The following ACTL8 variants were observed in gnomAD, a reference collection of about 807,000 sequenced individuals.
ACTL8 encodes actin-like protein 8.
Under a neutral mutation model 9.3 loss-of-function variants are expected in ACTL8, and 3 were observed. The observed-to-expected ratio is 0.32, with a 90% CI of 0.15 to 0.83. The LOEUF is 0.83. ACTL8 is among the 40% of genes least tolerant of loss of function. The pLI is 0.57. For missense variants in ACTL8, 381 were observed against 492.2 expected, an observed-to-expected ratio of 0.77 and a Z score of 2.14; for synonymous variants, 224 against 205.9, an observed-to-expected ratio of 1.09 and a Z score of -0.75.
intron 1 of ACTL8, among the ~76,000 whole-genome samples, chr1:17,772,942 A>C (rs900511234): frequency 6.6e-6 from 1 of 152,040 alleles, no homozygotes. Context: ...GGAATTTATT[A>C]GTCTAATTAC....
chr1:17,793,892 C>T (rs2066259123), intron 1 of ACTL8, among the ~76,000 whole-genome samples: 2 of 152,148 alleles, frequency 1.3e-5, no homozygotes, highest in South Asian at 2.1e-4. Flanking sequence ...TGTTGGCTTG[C>T]GGTCAGTGCT....
chr1:17,804,976 G>A (rs780569964), intron 1 of ACTL8, among the ~76,000 whole-genome samples: 10 of 151,980 alleles, frequency 6.6e-5, no homozygotes, highest in Non-Finnish European at 1.2e-4. Flanking sequence ...TGGGACAGAC[G>A]GGACCCACCT....
chr1:17,826,629 G>C lies in ACTL8; in HGVS notation c.*110G>C. ...GAATGAGGTGGGGTGGGGTGAGCTG[G>C]CTTTGGAATTCTAGGGGCATGAGGG... is the stretch of plus-strand genomic sequence containing the variant. On this transcript the variant is annotated 3_prime_UTR_variant, in exon 3 of 3. Coordinates refer to ENST00000375406, the MANE Select transcript of ACTL8 (RefSeq NM_030812.3). The surrounding 1 kb of genome is among the most constrained non-coding windows in gnomAD (Gnocchi z 4.5). 2 of 1,185,244 alleles carry C rather than the reference G, an allele frequency of 1.7e-6. No homozygotes were observed. Among genetic ancestry groups the C allele is most frequent in the Non-Finnish European group, 2.3e-6 (2 of 879,570 alleles). The allele number at this position is 1,185,244 out of a possible 1,614,324, so 73.4% of individuals were successfully genotyped here.
intron 1 of ACTL8, among the ~76,000 whole-genome samples, chr1:17,799,561 G>C (rs1226233676): frequency 2.0e-5 from 3 of 151,562 alleles, no homozygotes; most frequent in African/African-American, 7.3e-5. Flanking sequence ...AGGTGTCTGT[G>C]TTTTCACTGA....
intron 1 of ACTL8, among the ~76,000 whole-genome samples, chr1:17,796,227 AGAG>A (rs1330318413): frequency 6.6e-6 from 1 of 151,992 alleles, no homozygotes; most frequent in Non-Finnish European, 1.5e-5. Flanking sequence ...AGAAGGAAGA[AGAG>A]GAGGAAGAGG....
chr1:17,772,180 G>A (rs543180540), intron 1 of ACTL8, among the ~76,000 whole-genome samples: 1 of 152,352 alleles, frequency 6.6e-6, no homozygotes, highest in African/African-American at 2.4e-5. Context: ...CACATGAGAA[G>A]TTTGCATAAT....
chr1:17,825,911 C>T lies in ACTL8; in HGVS notation c.493C>T (p.Pro165Ser), dbSNP rs377195377. Residue 165 changes from proline (P) to serine (S), a missense_variant, in exon 3 of 3, where the codon CCC becomes TCC. Physicochemically the swap from Pro to Ser is moderately conservative, Grantham distance 74. Transcript: ENST00000375406. ...CGTGCAGCCTTTCCACCAGGGCCGC[C>T]CCTTGCCCGCCAGCGGCAAGACGCT... The part of the protein sequence containing the change: ...TRVQPFHQGR[P>S]LPASGKTLEF... 5.1e-5 allele frequency: 82 copies of T among 1,612,926 alleles called. No individual in the cohort carries two copies. The highest frequency in any genetic ancestry group is 6.0e-5 in the Non-Finnish European group (71 of 1,180,034).
chr1:17,826,645 G>C lies in ACTL8; in HGVS notation c.*126G>C. On this transcript the variant is annotated 3_prime_UTR_variant, in exon 3 of 3. Transcript: ENST00000375406. This position sits in a 1 kb window ranked among gnomAD's most constrained non-coding sequence, Gnocchi z 4.5. Reference sequence around the variant, plus strand: ...GGTGAGCTGGCTTTGGAATTCTAGGGGCATGAGGGTATTTTTTAGGTTCTA... The same window carrying C: ...GGTGAGCTGGCTTTGGAATTCTAGGCGCATGAGGGTATTTTTTAGGTTCTA... 6.2e-6 allele frequency: 6 copies of C among 972,584 alleles called. No individual in the cohort carries two copies. Among genetic ancestry groups the C allele is most frequent in the Non-Finnish European group, 8.7e-6 (6 of 691,178 alleles). 60.2% of individuals were successfully genotyped at this position (972,584 alleles called of 1,614,324 possible). A position where few individuals can be genotyped will look rare whatever the true frequency, so the allele number is the denominator to read the frequency against.
intron 1 of ACTL8, among the ~76,000 whole-genome samples, chr1:17,773,034 T>C (rs1177994776): frequency 6.6e-6 from 1 of 152,216 alleles, no homozygotes; most frequent in African/African-American, 2.4e-5. Context: ...GGAGTTTTAA[T>C]AAGAGTCAAT....
rs546733404 is a variant in ACTL8, at chr1:17,817,184, A to G, written c.-24-5801A>G. Among the ~76,000 whole-genome samples, 3 of 145,478 alleles carry G rather than the reference A, an allele frequency of 2.1e-5. No homozygotes were observed. The South Asian group carries it at 6.5e-4, about 32-fold the overall frequency. ...CAGAAGCCTGTGGTAATGTACCTTA[A>G]TGCCATTTTTTTTTTTTTTCTGATC... is the stretch of plus-strand genomic sequence containing the variant. On this transcript the variant is annotated intron_variant, in intron 1 of 2. Transcript: ENST00000375406.
intron 1 of ACTL8, among the ~76,000 whole-genome samples, chr1:17,788,170 T>C (rs375477045): frequency 6.6e-6 from 1 of 152,230 alleles, no homozygotes; most frequent in Non-Finnish European, 1.5e-5. Flanking sequence ...GTAGCAGTTA[T>C]TTTGCCAGAG....
Position 17,767,175 on chromosome 1 carries a change from C to A in ACTL8, c.-25+11671C>A, listed in dbSNP as rs74744709. ...AGAAGGGGTTCCAGGCAGAGAGCAG[C>A]GTCTGCAAAGGCCCTGCGGTGGGAC... On this transcript the variant is annotated intron_variant, in intron 1 of 2. Coordinates refer to ENST00000375406, the MANE Select transcript of ACTL8 (RefSeq NM_030812.3). The surrounding 1 kb of genome is among the most constrained non-coding windows in gnomAD (Gnocchi z 4.7). 6.6e-6 allele frequency among the ~76,000 whole-genome samples: 1 copy of A among 152,064 alleles called. No individual in the cohort carries two copies. Among genetic ancestry groups the A allele is most frequent in the African/African-American group, 2.4e-5 (1 of 41,408 alleles).
Position 17,776,969 on chromosome 1 carries a change from ATTTTTTTTT to A in ACTL8, c.-25+21493_-25+21501del, listed in dbSNP as rs765972298. Among the ~76,000 whole-genome samples, 446 of 50,514 alleles carry A rather than the reference ATTTTTTTTT, an allele frequency of 8.8e-3. 10 individuals carry two copies. The highest frequency in any genetic ancestry group is 0.018 in the South Asian group (18 of 994). The allele number at this position is 50,514 out of a possible 152,430, so 33.1% of individuals were successfully genotyped here. A position where few individuals can be genotyped will look rare whatever the true frequency, so the allele number is the denominator to read the frequency against. On this transcript the variant is annotated intron_variant, in intron 1 of 2. Coordinates refer to ENST00000375406, the MANE Select transcript of ACTL8 (RefSeq NM_030812.3). ...CATCCACCACCGTTCCTGGCTAATG[ATTTTTTTTT>A]TTTTTTTTTTTTTTTTTTTTTTTTT...
intron 1 of ACTL8, among the ~76,000 whole-genome samples, chr1:17,766,400 A>C (rs2066044552): frequency 6.6e-6 from 1 of 152,144 alleles, no homozygotes; most frequent in South Asian, 2.1e-4. Context: ...AGCCTGGCTC[A>C]AACCCGGGTC....
intron 1 of ACTL8, among the ~76,000 whole-genome samples, chr1:17,792,103 A>G (rs2066244138): frequency 6.6e-6 from 1 of 152,182 alleles, no homozygotes; most frequent in Non-Finnish European, 1.5e-5. Flanking sequence ...CCCTCTTTGC[A>G]TCAAAGCACT....
At chr1:17,795,138 C>T (rs2066267776) in intron 1 of ACTL8, among the ~76,000 whole-genome samples, 1 of 152,242 alleles carries the variant, frequency 6.6e-6, no homozygotes, top group Non-Finnish European at 1.5e-5. Context: ...CTCGCTCGCA[C>T]TGCTGTGTAA....
At chr1:17,804,223 G>T (rs192390226) in intron 1 of ACTL8, among the ~76,000 whole-genome samples, 1 of 152,148 alleles carries the variant, frequency 6.6e-6, no homozygotes, top group East Asian at 1.9e-4. Context: ...AACACTAAAG[G>T]CTGTGGTGGT....
chr1:17,784,953 A>C (rs768777694), intron 1 of ACTL8, among the ~76,000 whole-genome samples: 1 of 152,220 alleles, frequency 6.6e-6, no homozygotes, highest in Non-Finnish European at 1.5e-5. Context: ...AGGAGGAGCA[A>C]GTCCTGTTTT....
At chr1:17,776,913 C>T (rs1180960833) in intron 1 of ACTL8, among the ~76,000 whole-genome samples, 1 of 151,424 alleles carries the variant, frequency 6.6e-6, no homozygotes, top group African/African-American at 2.4e-5. Context: ...AATCCTCCCA[C>T]CTCTGCCTCC....
Sources: gnomAD v4.1 joint callset for allele counts (sites outside exome capture counted in the v4.1 genomes callset) on GRCh38, gnomAD v4.1.1 for gene constraint, Gnocchi (gnomAD v3.1) non-coding constraint, MANE v1.5 for transcripts, NCBI Gene and HGNC (gene_info 2026-07-23, HGNC 2026-07-21) for gene names.